CEP350: variants seen among roughly 807,000 people sequenced by gnomAD.
The protein encoded by CEP350 is centrosomal protein 350.
A neutral mutation model predicts 331.8 loss-of-function variants in CEP350; 126 were observed. The ratio of observed to expected loss-of-function variants is 0.38; its 90% CI spans 0.33 to 0.44. The LOEUF is 0.44. CEP350 is among the 20% of genes least tolerant of loss of function. The pLI is 1.00. For missense variants in CEP350, 3,406 were observed against 3,634.6 expected, an observed-to-expected ratio of 0.94 and a Z score of 1.62; for synonymous variants, 1,200 against 1,259.5, an observed-to-expected ratio of 0.95 and a Z score of 1.00.
Position 180,037,014 on chromosome 1 carries a change from A to G in CEP350, c.4035A>G (p.Gln1345=), listed in dbSNP as rs368633025. 16 of 1,604,028 alleles carry G rather than the reference A, an allele frequency of 1.0e-5. No individual in the cohort carries two copies. Among genetic ancestry groups the G allele is most frequent in the South Asian group, 4.5e-5 (4 of 88,760 alleles). The part of the protein sequence containing the change: ...YLNAIEESVR[Q]LSDVERVRGI... The stretch of plus-strand genomic sequence containing the variant: ...ACGCCATTGAGGAGTCGGTGCGCCA[A>G]CTGTCAGATGTAGAAAGAGTTAGAG... Residue 1345 remains glutamine, a synonymous_variant, in exon 17 of 38, where the codon CAA becomes CAG. Transcript: ENST00000367607.
Position 180,019,956 on chromosome 1 carries a change from T to A in CEP350, c.2182T>A (p.Leu728Met). 1 of 1,577,986 alleles carries A rather than the reference T, an allele frequency of 6.3e-7. No individual in the cohort carries two copies. Among genetic ancestry groups the A allele is most frequent in the Non-Finnish European group, 8.6e-7 (1 of 1,166,196 alleles). The change falls in exon 12 of 38, where the codon TTG becomes ATG. Residue 728 changes from leucine to methionine, a missense_variant. Physicochemically the swap from Leu to Met is conservative, Grantham distance 15. Transcript: ENST00000367607. ...EPPQPLARKD[L>M]MESTWMQPER... The stretch of plus-strand genomic sequence containing the variant: ...TGTGACTTTCATTTCCAGAAAAGAC[T>A]TGATGGAATCTACATGGATGCAGCC...
intron 7 of CEP350, among the ~76,000 whole-genome samples, chr1:180,004,591 G>C (rs540505788): frequency 6.6e-6 from 1 of 152,202 alleles, no homozygotes; most frequent in African/African-American, 2.4e-5. Context: ...TCTTCAATTT[G>C]TCTCCTCTCT....
At chr1:179,956,032 G>A (rs1650146172) in intron 1 of CEP350, among the ~76,000 whole-genome samples, 1 of 152,124 alleles carries the variant, frequency 6.6e-6, no homozygotes. Flanking sequence ...AAGTTCTGTA[G>A]AAACAATGAT....
At chr1:180,052,905 T>A in intron 22 of CEP350, 65 bp from the exon 23 acceptor site, 1 of 610,816 alleles carries the variant, frequency 1.6e-6, no homozygotes, top group Non-Finnish European at 2.9e-6. Context: ...GGCAAAGGGC[T>A]ATTAATTGAA....
chr1:180,026,917 T>C (rs1368946274), intron 14 of CEP350, among the ~76,000 whole-genome samples: 2 of 152,242 alleles, frequency 1.3e-5, no homozygotes, highest in African/African-American at 4.8e-5. Context: ...TTGTGAATGA[T>C]GTTGCTATGA....
At position 180,053,850 on chromosome 1, in the gene CEP350, AC is replaced by A; in HGVS notation, c.5092del (p.Gln1698SerfsTer12). 1 of 1,612,418 alleles carries A rather than the reference AC, an allele frequency of 6.2e-7. No individual in the cohort carries two copies. The highest frequency in any genetic ancestry group is 8.5e-7 in the Non-Finnish European group (1 of 1,178,798). On this transcript the variant is annotated frameshift_variant, in exon 24 of 38. Coordinates refer to ENST00000367607, the MANE Select transcript of CEP350 (RefSeq NM_014810.5). LOFTEE classifies it high-confidence loss of function. ...YMKEEEMRAA[H>X]QSSLLRLREK... ...AAAGAGGAAGAAATGAGGGCAGCTCACCAGTCTTCACTCCTGCGTCTCCGTG... is the reference window on the plus strand; with the variant it reads ...AAAGAGGAAGAAATGAGGGCAGCTCACAGTCTTCACTCCTGCGTCTCCGTG...
At chr1:179,997,955 A>G (rs1264973873) in intron 6 of CEP350, among the ~76,000 whole-genome samples, 1 of 151,932 alleles carries the variant, frequency 6.6e-6, no homozygotes, top group Non-Finnish European at 1.5e-5. Context: ...AACAATATTT[A>G]AATCACATTT....
intron 17 of CEP350, 24 bp downstream of exon 17, chr1:180,037,113 T>G (rs1656407756): frequency 9.1e-6 from 14 of 1,532,362 alleles, no homozygotes; most frequent in Non-Finnish European, 1.2e-5. Flanking sequence ...TTTTTAGCTT[T>G]CTGTGGTTTT....
intron 1 of CEP350, among the ~76,000 whole-genome samples, chr1:179,977,545 T>C (rs1362624266): frequency 6.6e-6 from 1 of 152,208 alleles, no homozygotes; most frequent in African/African-American, 2.4e-5. Context: ...TATTATATTA[T>C]TTCTTATATC....
At chr1:179,957,311 A>G (rs751725274) in intron 1 of CEP350, among the ~76,000 whole-genome samples, 5 of 152,144 alleles carry the variant, frequency 3.3e-5, no homozygotes, top group Non-Finnish European at 7.4e-5. Flanking sequence ...CTCTGCATAT[A>G]ATTGTGATTG....
At chr1:180,100,329 A>G (rs1185950696) in intron 37 of CEP350, among the ~76,000 whole-genome samples, 1 of 152,200 alleles carries the variant, frequency 6.6e-6, no homozygotes, top group Non-Finnish European at 1.5e-5. Context: ...AGATCTTCAC[A>G]TCTCAAGAAA....
intron 37 of CEP350, among the ~76,000 whole-genome samples, chr1:180,102,202 C>A (rs1660862049): frequency 6.6e-6 from 1 of 151,788 alleles, no homozygotes; most frequent in Non-Finnish European, 1.5e-5. Context: ...GTGGCACCAC[C>A]TCGGCTCACT....
chr1:179,990,646 A>G (rs746612764), intron 4 of CEP350, 25 bp downstream of exon 4: 4 of 1,197,442 alleles, frequency 3.3e-6, no homozygotes, highest in Admixed American at 2.2e-5. Context: ...ACTTCCAAAT[A>G]TATACATATA....
intron 22 of CEP350, among the ~76,000 whole-genome samples, chr1:180,052,631 AC>A (rs1489477712): frequency 6.6e-6 from 1 of 152,036 alleles, no homozygotes; most frequent in Non-Finnish European, 1.5e-5. Context: ...CATTTTTTTC[AC>A]TTTTACTATT....
chr1:180,111,911 C>T lies in CEP350; in HGVS notation c.*750C>T, dbSNP rs1661484051. 1 of 152,622 alleles carries T rather than the reference C, an allele frequency of 6.6e-6. No homozygotes were observed. The highest frequency in any genetic ancestry group is 2.1e-4 in the South Asian group (1 of 4,828). The allele number at this position is 152,622 out of a possible 1,614,324, so 9.5% of individuals were successfully genotyped here. A position where few individuals can be genotyped will look rare whatever the true frequency, so the allele number is the denominator to read the frequency against. ...GGTTCTTTTACCCCTTGGTTTACTCCTGCACTTGTCTTACTCATTCTGAAT... is the reference window on the plus strand; with the variant it reads ...GGTTCTTTTACCCCTTGGTTTACTCTTGCACTTGTCTTACTCATTCTGAAT... On this transcript the variant is annotated 3_prime_UTR_variant, in exon 38 of 38. Transcript: ENST00000367607.
chr1:180,051,480 G>A (rs1312583580), intron 22 of CEP350, among the ~76,000 whole-genome samples: 2 of 152,154 alleles, frequency 1.3e-5, no homozygotes, highest in East Asian at 3.8e-4. Context: ...AGGATGCACG[G>A]AGCAACGTTT....
intron 1 of CEP350, among the ~76,000 whole-genome samples, chr1:179,979,387 G>GC (rs1303717260): frequency 8.2e-6 from 1 of 122,090 alleles, no homozygotes. Context: ...GATTATTTGG[G>GC]GTGTTTTTTT....
chr1:179,958,696 A>G (rs1467420287), intron 1 of CEP350, among the ~76,000 whole-genome samples: 1 of 152,210 alleles, frequency 6.6e-6, no homozygotes, highest in Non-Finnish European at 1.5e-5. Flanking sequence ...CAGGGGTACC[A>G]TGAGAATTAA....
At chr1:180,101,692 A>G (rs1572003961) in intron 37 of CEP350, among the ~76,000 whole-genome samples, 1 of 152,162 alleles carries the variant, frequency 6.6e-6, no homozygotes, top group East Asian at 1.9e-4. Flanking sequence ...ACACACACAT[A>G]CCAGTTGCAA....
Sources: allele counts gnomAD v4.1 joint callset (sites outside exome capture counted in the v4.1 genomes callset), GRCh38; gene constraint gnomAD v4.1.1; transcripts MANE v1.5; gene names NCBI Gene and HGNC (gene_info 2026-07-23, HGNC 2026-07-21).